The following NPAS3 variants were observed in gnomAD, a reference collection of about 807,000 sequenced individuals.
NPAS3 encodes neuronal PAS domain protein 3.
NPAS3 carries 14 observed loss-of-function variants against 73.1 expected under a neutral mutation model. The ratio of observed to expected loss-of-function variants is 0.19; its 90% confidence interval spans 0.13 to 0.30. The LOEUF (loss-of-function observed/expected upper bound fraction) is 0.30, where lower values mean the gene tolerates loss of function less well. NPAS3 is among the 10% of genes least tolerant of loss of function. NPAS3 has a pLI of 1.00. For synonymous variants in NPAS3, 620 were observed against 541.5 expected (o/e 1.14, Z -2.01); for missense variants, 1,096 against 1,250.0 (o/e 0.88, Z 1.86).
chr14:33,629,108 G>A (rs957239856), intron 5 of NPAS3, among the ~76,000 whole-genome samples: 4 of 152,200 alleles, frequency 2.6e-5, no homozygotes, highest in African/African-American at 9.6e-5. Flanking sequence ...GGTGGTGGGT[G>A]CCTGTAGTCC....
chr14:33,455,773 A>C (rs147367473), intron 4 of NPAS3, among the ~76,000 whole-genome samples: 3 of 152,230 alleles, frequency 2.0e-5, no homozygotes, highest in Non-Finnish European at 4.4e-5. Context: ...ATTAAACAGG[A>C]TGTTAACGAG....
intron 1 of NPAS3, among the ~76,000 whole-genome samples, chr14:32,996,515 C>T (rs950497068): frequency 1.1e-4 from 17 of 152,128 alleles, no homozygotes; most frequent in Non-Finnish European, 2.1e-4. Flanking sequence ...TTTTGTGAGC[C>T]GGGCCCCGGG....
At chr14:33,768,877 C>T (rs918278479) in intron 7 of NPAS3, among the ~76,000 whole-genome samples, 6 of 152,226 alleles carry the variant, frequency 3.9e-5, no homozygotes, top group Admixed American at 3.9e-4. Flanking sequence ...TTGTATTCAC[C>T]ATCATTTTAC....
chr14:33,676,366 G>C lies in NPAS3; in HGVS notation c.714G>C (p.Gln238His), dbSNP rs754004181. 3.2e-6 allele frequency: 5 copies of C among 1,582,874 alleles called. No homozygotes were observed. In the South Asian group the frequency reaches 5.8e-5, roughly 18 times the overall value. Residue 238 changes from glutamine (Q) to histidine (H), a missense_variant, in exon 6 of 12, where the codon CAG (glutamine) becomes CAC (histidine). This residue lies in a region of NPAS3 where 215 missense variants were observed against 260.0 expected (regional missense o/e 0.83). Transcript: ENST00000356141. The stretch of plus-strand genomic sequence containing the variant: ...CCAGCTCAGCATCTTCCTCCTCTCA[G>C]TCGGAGACCCCCGAGCCAGGTGGGA...
intron 4 of NPAS3, among the ~76,000 whole-genome samples, chr14:33,474,676 G>C (rs10142100): frequency 0.033 from 5,002 of 152,210 alleles, 249 homozygotes; most frequent in African/African-American, 0.11. Flanking sequence ...GAGGGATAAA[G>C]AGAAGGGTAT....
chr14:33,458,650 A>C (rs1431844548), intron 4 of NPAS3, among the ~76,000 whole-genome samples: 1 of 152,228 alleles, frequency 6.6e-6, no homozygotes, highest in East Asian at 1.9e-4. Flanking sequence ...AAGCAGTTGC[A>C]GTTGTGCTGT....
intron 4 of NPAS3, among the ~76,000 whole-genome samples, chr14:33,454,275 T>A (rs2049929965): frequency 6.6e-6 from 1 of 152,230 alleles, no homozygotes; most frequent in Non-Finnish European, 1.5e-5. Context: ...AAGGAATGCA[T>A]GATTATTTTA....
intron 4 of NPAS3, among the ~76,000 whole-genome samples, chr14:33,392,673 A>G (rs1029402154): frequency 4.6e-5 from 7 of 152,150 alleles, no homozygotes; most frequent in African/African-American, 1.7e-4. Flanking sequence ...ATCCCCTGAA[A>G]GCTAACAGAT....
intron 2 of NPAS3, among the ~76,000 whole-genome samples, chr14:33,114,616 C>A (rs141951846): frequency 6.6e-6 from 1 of 152,208 alleles, no homozygotes; most frequent in Non-Finnish European, 1.5e-5. Context: ...TGAGAACAAT[C>A]CTCTCTGTCT....
At chr14:33,213,559 G>A (rs1487893141) in intron 2 of NPAS3, 1 of 152,168 alleles carries the variant, frequency 6.6e-6, no homozygotes, top group African/African-American at 2.4e-5. Flanking sequence ...TTGAGCACTT[G>A]TAGAATTGAA....
At chr14:33,211,268 A>C (rs12886242) in intron 2 of NPAS3, among the ~76,000 whole-genome samples, 14,295 of 152,264 alleles carry the variant, frequency 0.094, 809 homozygotes, top group Non-Finnish European at 0.13. Context: ...TTCACAATCC[A>C]TTCTCTTATA....
chr14:33,296,482 T>C (rs1366281811), intron 3 of NPAS3, among the ~76,000 whole-genome samples: 1 of 152,228 alleles, frequency 6.6e-6, no homozygotes, highest in Non-Finnish European at 1.5e-5. Context: ...ATTCAAGGCA[T>C]TGATTTAAAT....
chr14:33,693,577 T>C (rs2060292450), intron 6 of NPAS3, among the ~76,000 whole-genome samples: 1 of 152,194 alleles, frequency 6.6e-6, no homozygotes, highest in Admixed American at 6.5e-5. Flanking sequence ...ATCAAAATGA[T>C]CAATCCAGAA....
chr14:32,951,007 T>G (rs2036462773), intron 1 of NPAS3, among the ~76,000 whole-genome samples: 1 of 152,072 alleles, frequency 6.6e-6, no homozygotes, highest in African/African-American at 2.4e-5. Context: ...CAGAAGCCCG[T>G]GGATATCGAG....
At chr14:33,030,501 G>A (rs968580313) in intron 1 of NPAS3, among the ~76,000 whole-genome samples, 4 of 152,114 alleles carry the variant, frequency 2.6e-5, no homozygotes, top group African/African-American at 4.8e-5. Flanking sequence ...GCGATTAGAT[G>A]ATGACAGCTA....
chr14:33,708,492 G>A (rs567880700), intron 6 of NPAS3, among the ~76,000 whole-genome samples: 6 of 152,172 alleles, frequency 3.9e-5, no homozygotes, highest in Non-Finnish European at 8.8e-5. Flanking sequence ...AGAGATGGAA[G>A]GCAATGAGTA....
At chr14:32,962,884 T>C (rs1043342143) in intron 1 of NPAS3, among the ~76,000 whole-genome samples, 12 of 151,104 alleles carry the variant, frequency 7.9e-5, no homozygotes, top group East Asian at 1.9e-4. Flanking sequence ...TTCTTTCTTT[T>C]TTTTTTTTTT....
At chr14:33,651,769 G>A (rs757756011) in intron 5 of NPAS3, among the ~76,000 whole-genome samples, 1 of 152,124 alleles carries the variant, frequency 6.6e-6, no homozygotes, top group South Asian at 2.1e-4. Context: ...CTCAATACAT[G>A]TTAGTTTGGT....
intron 2 of NPAS3, among the ~76,000 whole-genome samples, chr14:33,114,438 C>T (rs998625499): frequency 1.3e-5 from 2 of 152,080 alleles, no homozygotes; most frequent in South Asian, 2.1e-4. Context: ...TGGATTCAAG[C>T]AGAATGATGC....
Sources: allele counts gnomAD v4.1 joint callset (sites outside exome capture counted in the v4.1 genomes callset), GRCh38; gene constraint gnomAD v4.1.1; regional missense constraint gnomAD v4.1.1; transcripts MANE v1.5; gene names NCBI Gene and HGNC (gene_info 2026-07-23, HGNC 2026-07-21).